The following NAXE variants were observed in gnomAD, a reference collection of about 807,000 sequenced individuals.
NAXE encodes the protein NAD(P)H-hydrate epimerase.
Under a neutral mutation model 31.2 loss-of-function variants are expected in NAXE, and 25 were observed. The ratio of observed to expected loss-of-function variants is 0.80; its 90% CI spans 0.58 to 1.12. The LOEUF is 1.12. Among genes scored for constraint, NAXE ranks in the 50% most tolerant of loss-of-function variants. NAXE has a pLI of 0.00. For synonymous variants in NAXE, 144 were observed against 154.5 expected, an observed-to-expected ratio of 0.93 and a Z score of 0.50; for missense variants, 362 against 376.1, an observed-to-expected ratio of 0.96 and a Z score of 0.31.
intron 5 of NAXE, 53 bp downstream of exon 5, chr1:156,593,608 C>T: frequency 1.9e-6 from 3 of 1,608,930 alleles, no homozygotes; most frequent in Non-Finnish European, 2.6e-6. Flanking sequence ...ACCCTCCTGA[C>T]TCTTGCCCAC....
In NAXE at chr1:156,594,059, C is replaced by A; in HGVS notation, c.842C>A (p.Thr281Asn). The change falls in exon 6 of 6, where the codon ACC becomes AAC. Residue 281 changes from threonine to asparagine, a missense_variant. Transcript: ENST00000368235. ...YQLNLPPYPD[T>N]ECVYRLQ Reference sequence around the variant, plus strand: ...CTGAACCTGCCACCCTACCCTGACACCGAGTGTGTCTATCGTCTGCAGTGA... The same window carrying A: ...CTGAACCTGCCACCCTACCCTGACAACGAGTGTGTCTATCGTCTGCAGTGA... The A allele has an allele frequency of 6.2e-7, 1 of 1,614,142 alleles. No homozygotes were observed.
At position 156,594,158 on chromosome 1, in the gene NAXE, C is replaced by A; in HGVS notation, c.*74C>A. The A allele has an allele frequency of 6.7e-7, 1 of 1,497,672 alleles. No individual in the cohort carries two copies. Among genetic ancestry groups the A allele is most frequent in the Non-Finnish European group, 9.2e-7 (1 of 1,086,742 alleles). The allele number at this position is 1,497,672 out of a possible 1,614,324, so 92.8% of individuals were successfully genotyped here. On this transcript the variant is annotated 3_prime_UTR_variant, in exon 6 of 6. Coordinates refer to ENST00000368235, the MANE Select transcript of NAXE (RefSeq NM_144772.3). ...TTCCAGAACTGTGGATTCCTGGGAG[C>A]TCCTCTGGCAATAAAAGTCAGTGAA...
Position 156,594,097 on chromosome 1 carries a change from G to A in NAXE, c.*13G>A. 6.2e-7 allele frequency: 1 copy of A among 1,613,212 alleles called. No individual in the cohort carries two copies. Among genetic ancestry groups the A allele is most frequent in the South Asian group, 1.1e-5 (1 of 91,032 alleles). On this transcript the variant is annotated 3_prime_UTR_variant, in exon 6 of 6. Coordinates refer to ENST00000368235, the MANE Select transcript of NAXE (RefSeq NM_144772.3). ...TCGTCTGCAGTGAGGGAAGGTGGGTGGGTATTCTTCCCAATAAAGACTTAG... is the reference window on the plus strand; with the variant it reads ...TCGTCTGCAGTGAGGGAAGGTGGGTAGGTATTCTTCCCAATAAAGACTTAG...
Position 156,592,269 on chromosome 1 carries a change from C to G in NAXE, c.291+60C>G. ...CAGGGAGGAGTCACTGTCCCAGCCCCCTGGCCTAGGCACAAAGGGGTGGGA... is the reference window on the plus strand; with the variant it reads ...CAGGGAGGAGTCACTGTCCCAGCCCGCTGGCCTAGGCACAAAGGGGTGGGA... On this transcript the variant is annotated intron_variant, in intron 2 of 5. Transcript: ENST00000368235. The G allele has an allele frequency of 3.1e-6, 5 of 1,607,502 alleles. No individual in the cohort carries two copies. The Admixed American group carries it at 6.7e-5, about 21-fold the overall frequency.
intron 4 of NAXE, chr1:156,592,899 C>A: frequency 1.8e-6 from 1 of 554,356 alleles, no homozygotes; most frequent in Non-Finnish European, 3.2e-6. Context: ...TCCCTGGTCC[C>A]TCCTTCCACT....
intron 2 of NAXE, 54 bp downstream of exon 2, chr1:156,592,263 C>T: frequency 2.5e-6 from 4 of 1,608,362 alleles, no homozygotes; most frequent in Non-Finnish European, 3.4e-6. Context: ...GTCACTGTCC[C>T]AGCCCCCTGG....
intron 4 of NAXE, chr1:156,592,894 G>A: frequency 3.6e-6 from 2 of 559,320 alleles, no homozygotes; most frequent in Non-Finnish European, 6.4e-6. Context: ...TCATCTCCCT[G>A]GTCCCTCCTT....
rs1264017023 is a variant in NAXE, at chr1:156,592,127, A to G, written c.209A>G (p.Gln70Arg). 1 of 1,614,236 alleles carries G rather than the reference A, an allele frequency of 6.2e-7. No homozygotes were observed. Among genetic ancestry groups the G allele is most frequent in the South Asian group, 1.1e-5 (1 of 91,084 alleles). ...CAGGAGGAGGCCCAGGCCGTGGACC[A>G]GGAGCTATTTAACGAATACCAGTTC... ...LSQEEAQAVD[Q>R]ELFNEYQFSV... Residue 70 changes from glutamine to arginine, a missense_variant, in exon 2 of 6, where the codon CAG (glutamine) becomes CGG (arginine). Gln to Arg is a conservative substitution (Grantham distance 43). Transcript: ENST00000368235.
Position 156,591,844 on chromosome 1 carries a change from G to C in NAXE, c.40G>C (p.Val14Leu), listed in dbSNP as rs1299902294. 1 of 1,609,970 alleles carries C rather than the reference G, an allele frequency of 6.2e-7. No homozygotes were observed. The highest frequency in any genetic ancestry group is 1.7e-5 in the Admixed American group (1 of 59,926). ...LRALLGLGLL[V>L]AGSRVPRIKS... ...GGCGCTGCTGGGCCTCGGGCTGCTG[G>C]TTGCGGGCTCGCGCGTGCCGCGGAT... Residue 14 changes from valine (V) to leucine (L), a missense_variant, in exon 1 of 6, where the codon GTT becomes CTT. By Grantham distance (32) the Val-to-Leu change is conservative. Coordinates refer to ENST00000368235, the MANE Select transcript of NAXE (RefSeq NM_144772.3).
chr1:156,593,211 GAACA>G (rs1677388568), intron 4 of NAXE, 193 bp from the exon 5 acceptor site: 1 of 639,150 alleles, frequency 1.6e-6, no homozygotes, highest in Admixed American at 3.6e-5. Flanking sequence ...CAGGCACCGA[GAACA>G]AAAACTGTCT....
chr1:156,593,838 G>A (rs2102491718), intron 5 of NAXE, 44 bp from the exon 6 acceptor site: 2 of 1,596,454 alleles, frequency 1.3e-6, no homozygotes, highest in Non-Finnish European at 1.7e-6. Context: ...GTGTAGAAGG[G>A]GACGAGACAT....
At position 156,594,210 on chromosome 1, in the gene NAXE, G is replaced by A; in HGVS notation, c.*126G>A. ...GGTGGAAGTCAGAGACCAACCCTGG[G>A]GATTGGGTGCCATCTCTCTAGGGGT... On this transcript the variant is annotated 3_prime_UTR_variant, in exon 6 of 6. Transcript: ENST00000368235. 2.1e-6 allele frequency: 2 copies of A among 947,834 alleles called. No individual in the cohort carries two copies. The highest frequency in any genetic ancestry group is 2.6e-5 in the East Asian group (1 of 38,484). The allele number at this position is 947,834 out of a possible 1,614,324, so 58.7% of individuals were successfully genotyped here.
intron 4 of NAXE, 122 bp downstream of exon 4, chr1:156,592,792 T>C: frequency 1.1e-6 from 1 of 879,386 alleles, no homozygotes. Flanking sequence ...TAACGGATGG[T>C]ATTCGAATAA....
In NAXE at chr1:156,593,540, A is replaced by G. The variant is rs1571394301; in HGVS notation, c.649A>G (p.Ile217Val). The change falls in exon 5 of 6, where the codon ATC (isoleucine) becomes GTC (valine). Residue 217 changes from isoleucine to valine, a missense_variant. By Grantham distance (29) the Ile-to-Val change is conservative (BLOSUM62 3). Transcript: ENST00000368235. ...GGGACTCACTGTGCCCATTGCCAGC[A>G]TCGACATTCCCTCAGGTGCTGGGAT... Reference protein sequence around the residue: ...LKGLTVPIASIDIPSGWDVEK... With the variant: ...LKGLTVPIASVDIPSGWDVEK... 2.5e-6 allele frequency: 4 copies of G among 1,614,086 alleles called. No homozygotes were observed. In the African/African-American group the frequency reaches 5.3e-5, roughly 22 times the overall value.
In NAXE at chr1:156,593,057, A is replaced by G. The variant is rs562704819; in HGVS notation, c.517-351A>G. On this transcript the variant is annotated intron_variant, in intron 4 of 5. Transcript: ENST00000368235. ...GTAATTTTTTTCCTTAACCCATTTTACAGATGAAGATACTGAGGTGCAGAG... is the reference window on the plus strand; with the variant it reads ...GTAATTTTTTTCCTTAACCCATTTTGCAGATGAAGATACTGAGGTGCAGAG... 1.5e-5 allele frequency: 6 copies of G among 393,940 alleles called. No individual in the cohort carries two copies. The South Asian group carries it at 1.7e-4, about 11-fold the overall frequency. The allele number at this position is 393,940 out of a possible 1,614,324, so 24.4% of individuals were successfully genotyped here.
chr1:156,592,025 C>A, intron 1 of NAXE, 39 bp downstream of exon 1: 1 of 1,613,404 alleles, frequency 6.2e-7, no homozygotes, highest in Non-Finnish European at 8.5e-7. Context: ...TGCCCCGGGG[C>A]GGGGCCTGGG....
rs942962 is a variant in NAXE at position 156,593,233 on chromosome 1, A to G, written c.517-175A>G. On this transcript the variant is annotated intron_variant, in intron 4 of 5. Coordinates refer to ENST00000368235, the MANE Select transcript of NAXE (RefSeq NM_144772.3). ...CGAGAACAAAAACTGTCTGGTCTCAATTTGGCCTGAATCAGTGACCAACTC... is the reference window on the plus strand; with the variant it reads ...CGAGAACAAAAACTGTCTGGTCTCAGTTTGGCCTGAATCAGTGACCAACTC... 788,371 of 790,430 alleles carry G rather than the reference A, an allele frequency of 1. 393,185 individuals carry two copies. Among genetic ancestry groups the G allele is most frequent in the East Asian group, 1 (32,488 of 32,488 alleles). The allele number at this position is 790,430 out of a possible 1,614,324, so 49.0% of individuals were successfully genotyped here.
Position 156,592,149 on chromosome 1 carries a change from G to A in NAXE, c.231G>A (p.Gln77=), listed in dbSNP as rs778689681. 28 of 1,614,260 alleles carry A rather than the reference G, an allele frequency of 1.7e-5. No homozygotes were observed. Among genetic ancestry groups the A allele is most frequent in the African/African-American group, 2.7e-5 (2 of 75,076 alleles). ...ACCAGGAGCTATTTAACGAATACCA[G>A]TTCAGCGTGGACCAACTTATGGAAC... is the stretch of plus-strand genomic sequence containing the variant. ...AVDQELFNEY[Q]FSVDQLMELA... The change falls in exon 2 of 6, where the codon CAG becomes CAA. Residue 77 remains glutamine, a synonymous_variant. Transcript: ENST00000368235.
chr1:156,592,029 G>T, intron 1 of NAXE, 43 bp downstream of exon 1: 1 of 1,613,454 alleles, frequency 6.2e-7, no homozygotes. Flanking sequence ...CCGGGGCGGG[G>T]CCTGGGACGG....
Sources: allele counts gnomAD v4.1 joint callset, GRCh38; gene constraint gnomAD v4.1.1; transcripts MANE v1.5; gene names NCBI Gene and HGNC (gene_info 2026-07-23, HGNC 2026-07-21).